Variants in DMXL2 observed in about 807,000 individuals in gnomAD.
DMXL2 encodes dmX-like protein 2.
In DMXL2, 103 loss-of-function variants were observed where a neutral mutation model predicts 331.1. The observed-to-expected ratio is 0.31, with a 90% CI of 0.27 to 0.37. DMXL2 has a LOEUF of 0.37. DMXL2 is among the 10% of genes least tolerant of loss of function. DMXL2 has a pLI of 1.00. For synonymous variants in DMXL2, 1,281 were observed against 1,252.1 expected, an observed-to-expected ratio of 1.02 and a Z score of -0.49; for missense variants, 3,171 against 3,642.9, an observed-to-expected ratio of 0.87 and a Z score of 3.33.
intron 1 of DMXL2, among the ~76,000 whole-genome samples, chr15:51,618,113 C>T (rs1006022502): frequency 2.6e-4 from 39 of 152,168 alleles, no homozygotes; most frequent in Admixed American, 2.0e-4. Flanking sequence ...CCAGCCAGTA[C>T]AGAAGCATGT....
chr15:51,562,511 A>G (rs946076872), intron 6 of DMXL2, among the ~76,000 whole-genome samples: 1 of 152,218 alleles, frequency 6.6e-6, no homozygotes, highest in African/African-American at 2.4e-5. Context: ...AAATCCGAAA[A>G]TGGTAGCTCT....
chr15:51,474,409 G>T lies in DMXL2; in HGVS notation c.7148C>A (p.Ala2383Asp). ...TTTTACACCGCCTCCAAAAACAGCAGCCCACATTCGATTATTTAATGGGTG... is the reference window on the plus strand; with the variant it reads ...TTTTACACCGCCTCCAAAAACAGCATCCCACATTCGATTATTTAATGGGTG... The part of the protein sequence containing the change: ...AAHPLNNRMW[A>D]AVFGGGVKLV... The change falls in exon 28 of 44, where the codon GCT becomes GAT. Residue 2383 changes from alanine (A) to aspartate (D), a missense_variant. By Grantham distance (126) the Ala-to-Asp change is moderately radical. Coordinates refer to ENST00000560891, the MANE Select transcript of DMXL2 (RefSeq NM_001378457.1). 6.2e-7 allele frequency: 1 copy of T among 1,612,918 alleles called. No individual in the cohort carries two copies. Among genetic ancestry groups the T allele is most frequent in the Middle Eastern group, 2.0e-4 (1 of 5,088 alleles).
chr15:51,533,071 C>T (rs2048095861), intron 13 of DMXL2, among the ~76,000 whole-genome samples: 1 of 152,164 alleles, frequency 6.6e-6, no homozygotes, highest in Non-Finnish European at 1.5e-5. Flanking sequence ...AAAGACAGCA[C>T]CCTTTACAGT....
chr15:51,564,836 G>A (rs879371950), intron 4 of DMXL2, among the ~76,000 whole-genome samples: 3 of 151,920 alleles, frequency 2.0e-5, no homozygotes, highest in Non-Finnish European at 4.4e-5. Context: ...GTAAAGGGCA[G>A]TACACATTAA....
rs749132591 is a variant in DMXL2, at chr15:51,491,571, A to G, written c.4953+7T>C. 6.9e-6 allele frequency: 11 copies of G among 1,587,316 alleles called. No individual in the cohort carries two copies. The highest frequency in any genetic ancestry group is 9.4e-6 in the Non-Finnish European group (11 of 1,172,132). On this transcript the variant is annotated splice_region_variant and intron_variant, in intron 20 of 43. Coordinates refer to ENST00000560891, the MANE Select transcript of DMXL2 (RefSeq NM_001378457.1). ...ATATAACTCAAAATCCACTAAAGAAAAGTTACCTTTTCAATGCATCTTCGA... is the reference window on the plus strand; with the variant it reads ...ATATAACTCAAAATCCACTAAAGAAGAGTTACCTTTTCAATGCATCTTCGA...
intron 4 of DMXL2, 58 bp from the exon 5 acceptor site, chr15:51,564,318 A>C: frequency 7.5e-7 from 1 of 1,335,110 alleles, no homozygotes; most frequent in Non-Finnish European, 1.0e-6. Context: ...AAATAAATGC[A>C]CATGGGCTTC....
chr15:51,557,988 T>TA (rs1401011569), intron 6 of DMXL2, among the ~76,000 whole-genome samples: 1 of 152,256 alleles, frequency 6.6e-6, no homozygotes, highest in Non-Finnish European at 1.5e-5. Flanking sequence ...CTTCAAGATA[T>TA]AAAAGATACT....
chr15:51,549,775 T>C (rs1044070785), intron 6 of DMXL2, among the ~76,000 whole-genome samples: 2 of 152,174 alleles, frequency 1.3e-5, no homozygotes, highest in African/African-American at 4.8e-5. Flanking sequence ...GAATTGTCTA[T>C]TGATGTCCTC....
rs1809882199 is a variant in DMXL2, at chr15:51,479,634, G to C, written c.6756+314C>G. 2.6e-5 allele frequency among the ~76,000 whole-genome samples: 4 copies of C among 152,170 alleles called. No homozygotes were observed. In the South Asian group the frequency reaches 8.3e-4, roughly 32 times the overall value. On this transcript the variant is annotated intron_variant, in intron 25 of 43. Coordinates refer to ENST00000560891, the MANE Select transcript of DMXL2 (RefSeq NM_001378457.1). ...TAATATCTTGGCATGTAAACAAATA[G>C]TCATATTTCCAACTTAATGGTTCAT...
intron 29 of DMXL2, among the ~76,000 whole-genome samples, chr15:51,469,394 A>G (rs1311185077): frequency 5.9e-5 from 9 of 152,182 alleles, no homozygotes; most frequent in Admixed American, 2.0e-4. Flanking sequence ...GAAGTTTTCT[A>G]CACTGAAGTT....
intron 33 of DMXL2, 111 bp downstream of exon 33, chr15:51,463,268 C>A: frequency 1.5e-6 from 1 of 656,512 alleles, no homozygotes. Context: ...TGAACTTTGA[C>A]TATTACCCAA....
At chr15:51,451,570 A>T in intron 42 of DMXL2, 75 bp downstream of exon 42, 1 of 1,201,662 alleles carries the variant, frequency 8.3e-7, no homozygotes, top group Non-Finnish European at 1.2e-6. Flanking sequence ...TCACTAATTA[A>T]AACCAAGAAA....
intron 15 of DMXL2, among the ~76,000 whole-genome samples, chr15:51,511,720 A>G (rs2046765509): frequency 6.6e-6 from 1 of 152,206 alleles, no homozygotes; most frequent in Admixed American, 6.5e-5. Context: ...AAATCATTCT[A>G]CCATAAAGAC....
chr15:51,500,636 A>G (rs2043522447), intron 17 of DMXL2, among the ~76,000 whole-genome samples: 1 of 152,216 alleles, frequency 6.6e-6, no homozygotes, highest in Admixed American at 6.5e-5. Flanking sequence ...ATGAATACTT[A>G]ACTGAGCTTT....
rs776518816 is a variant in DMXL2, at chr15:51,451,702, T to A, written c.8697-5A>T. On this transcript the variant is annotated splice_region_variant and splice_polypyrimidine_tract_variant and intron_variant, in intron 41 of 43. Transcript: ENST00000560891. ...GTGTCCCAGAGGCAAACATTTCTTTTAAAGAAACACAATAACAAAAATACA... is the reference window on the plus strand; with the variant it reads ...GTGTCCCAGAGGCAAACATTTCTTTAAAAGAAACACAATAACAAAAATACA... 2 of 1,610,732 alleles carry A rather than the reference T, an allele frequency of 1.2e-6. No homozygotes were observed. Among genetic ancestry groups the A allele is most frequent in the East Asian group, 4.5e-5 (2 of 44,832 alleles).
chr15:51,567,976 G>C (rs998316468), intron 3 of DMXL2: 2 of 153,046 alleles, frequency 1.3e-5, no homozygotes, highest in African/African-American at 4.8e-5. Flanking sequence ...GCAACTACTT[G>C]GGAGGTTGAG....
chr15:51,582,943 C>T (rs1283564219), intron 1 of DMXL2, among the ~76,000 whole-genome samples: 1 of 151,858 alleles, frequency 6.6e-6, no homozygotes, highest in Non-Finnish European at 1.5e-5. Context: ...TACCTATGAA[C>T]CCTTCCTGAA....
intron 1 of DMXL2, among the ~76,000 whole-genome samples, chr15:51,611,706 T>A (rs1019689121): frequency 7.2e-5 from 11 of 152,170 alleles, no homozygotes; most frequent in Admixed American, 7.2e-4. Context: ...TCCCCATCTA[T>A]GAAATTGAGA....
chr15:51,464,253 A>G (rs916686119), intron 32 of DMXL2, among the ~76,000 whole-genome samples: 3 of 152,076 alleles, frequency 2.0e-5, no homozygotes, highest in African/African-American at 7.2e-5. Context: ...AATACAAAAA[A>G]AATTAGCCGA....
Sources: allele counts gnomAD v4.1 joint callset (sites outside exome capture counted in the v4.1 genomes callset), GRCh38; gene constraint gnomAD v4.1.1; transcripts MANE v1.5; gene names NCBI Gene and HGNC (gene_info 2026-07-23, HGNC 2026-07-21).